Variants in SLC25A16 observed in about 807,000 individuals in gnomAD.
The protein encoded by SLC25A16 is solute carrier family 25 member 16, also known as mitochondrial coenzyme A transporter SLC25A16.
Under a neutral mutation model 41.5 loss-of-function variants are expected in SLC25A16, and 39 were observed. That is an observed-to-expected ratio of 0.94 (90% confidence interval 0.73 to 1.23). The LOEUF is 1.23. Ranked by LOEUF, SLC25A16 falls within the 50% of genes most tolerant of loss-of-function variation. The pLI, the probability that SLC25A16 is intolerant of heterozygous loss-of-function variation, is 0.00. For synonymous variants in SLC25A16, 146 were observed against 147.8 expected (o/e 0.99, Z 0.09); for missense variants, 421 against 426.9 (o/e 0.99, Z 0.12).
intron 2 of SLC25A16, among the ~76,000 whole-genome samples, chr10:68,507,094 GAC>G (rs1246773234): frequency 1.1e-5 from 1 of 87,424 alleles, no homozygotes; most frequent in African/African-American, 4.7e-5. Context: ...TTTTTTTTGA[GAC>G]AGTTTTACTC....
At chr10:68,486,985 AC>A in intron 8 of SLC25A16, 158 bp downstream of exon 8, 4 of 420,012 alleles carry the variant, frequency 9.5e-6, no homozygotes, top group Admixed American at 3.8e-5. Flanking sequence ...AAAAAAAAGA[AC>A]CTGATTGCCT....
intron 1 of SLC25A16, among the ~76,000 whole-genome samples, chr10:68,522,233 G>A (rs1196581536): frequency 6.6e-6 from 1 of 151,932 alleles, no homozygotes; most frequent in Non-Finnish European, 1.5e-5. Context: ...AATCTTAAAT[G>A]CATTAAGGTA....
At chr10:68,517,069 A>G (rs1190049741) in intron 1 of SLC25A16, 1 of 1,218,296 alleles carries the variant, frequency 8.2e-7, no homozygotes, top group Non-Finnish European at 1.0e-6. Flanking sequence ...AGTAGTGTAA[A>G]TCGTCATCTA....
At chr10:68,498,865 G>A (rs2052795076) in intron 4 of SLC25A16, among the ~76,000 whole-genome samples, 1 of 152,090 alleles carries the variant, frequency 6.6e-6, no homozygotes, top group Non-Finnish European at 1.5e-5. Context: ...TGCCATAGTG[G>A]TTGTTAAATA....
rs148285905 is a variant in SLC25A16, at chr10:68,504,017, C to CTT, written c.358-324_358-323dup. ...TGGGGGTAGTAGGAATAAACTGCTA[C>CTT]TTTTTTTTTTTTTTTTTTTTTTTTT... On this transcript the variant is annotated intron_variant, in intron 3 of 8. Transcript: ENST00000609923. Among the ~76,000 whole-genome samples, 464 of 70,890 alleles carry CTT rather than the reference C, an allele frequency of 6.5e-3. 24 individuals are homozygous for CTT. Among genetic ancestry groups the CTT allele is most frequent in the African/African-American group, 0.025 (443 of 17,636 alleles). The allele number at this position is 70,890 out of a possible 152,430, so 46.5% of individuals were successfully genotyped here. A position where few individuals can be genotyped will look rare whatever the true frequency, so the allele number is the denominator to read the frequency against.
intron 6 of SLC25A16, among the ~76,000 whole-genome samples, chr10:68,492,560 G>A (rs941199951): frequency 2.6e-5 from 4 of 152,042 alleles, no homozygotes; most frequent in Non-Finnish European, 5.9e-5. Context: ...CCTGAGGTCG[G>A]GAGTTTGAGA....
rs377544432 is a variant in SLC25A16 at position 68,519,864 on chromosome 10, G to A, written c.131-3021C>T. 1.3e-3 allele frequency among the ~76,000 whole-genome samples: 201 copies of A among 151,414 alleles called. No homozygotes were observed. The Middle Eastern group carries it at 0.014, about 10-fold the overall frequency. On this transcript the variant is annotated intron_variant, in intron 1 of 8. Coordinates refer to ENST00000609923, the MANE Select transcript of SLC25A16 (RefSeq NM_152707.4). Reference sequence around the variant, plus strand: ...CGGGAGGCATAGGTGGCAGTGAGCCGAGATCATGTCACTGCACTCCAGCCT... The same window carrying A: ...CGGGAGGCATAGGTGGCAGTGAGCCAAGATCATGTCACTGCACTCCAGCCT...
chr10:68,491,428 T>C (rs532380913), intron 6 of SLC25A16, among the ~76,000 whole-genome samples: 12 of 152,058 alleles, frequency 7.9e-5, no homozygotes, highest in African/African-American at 2.9e-4. Context: ...TTTCTCCATG[T>C]TGGTCAGGCT....
chr10:68,524,803 G>A (rs542668000), intron 1 of SLC25A16, among the ~76,000 whole-genome samples: 17 of 151,582 alleles, frequency 1.1e-4, no homozygotes, highest in African/African-American at 2.9e-4. Flanking sequence ...ACTTGAACCC[G>A]GATACGGAGG....
chr10:68,502,776 AAAAGAGGGGAGGGGAGGGGTAGGGAGG>A (rs1231416006), intron 4 of SLC25A16, among the ~76,000 whole-genome samples: 1 of 66,010 alleles, frequency 1.5e-5, no homozygotes, highest in African/African-American at 6.2e-5. Flanking sequence ...AGGGGAGAAG[AAAAGAGGGGAGGGGAGGGGTAGGGAGG>A]GAAGCGGAGG....
At chr10:68,500,893 TGCACTCCA>T (rs1364045685) in intron 4 of SLC25A16, among the ~76,000 whole-genome samples, 1 of 151,772 alleles carries the variant, frequency 6.6e-6, no homozygotes, top group East Asian at 2.0e-4. Flanking sequence ...ATTCCATCAC[TGCACTCCA>T]GCCTGGGCGA....
intron 4 of SLC25A16, among the ~76,000 whole-genome samples, chr10:68,498,458 G>T (rs2052788376): frequency 6.6e-6 from 1 of 151,996 alleles, no homozygotes; most frequent in Admixed American, 6.6e-5. Flanking sequence ...GGGAGGTTGA[G>T]ATGGGAGGAT....
intron 1 of SLC25A16, chr10:68,517,210 CA>C (rs2053174815): frequency 1.0e-6 from 1 of 996,438 alleles, no homozygotes. Flanking sequence ...CGGAGACAGA[CA>C]CTTGAAGGTA....
chr10:68,493,691 A>G (rs1262811842), intron 4 of SLC25A16, 121 bp from the exon 5 acceptor site: 6 of 767,518 alleles, frequency 7.8e-6, no homozygotes, highest in Non-Finnish European at 1.3e-5. Flanking sequence ...ATCAAAGGTG[A>G]TATTACTGAC....
chr10:68,501,927 G>A (rs921525199), intron 4 of SLC25A16, among the ~76,000 whole-genome samples: 5 of 152,146 alleles, frequency 3.3e-5, no homozygotes, highest in East Asian at 1.9e-4. Flanking sequence ...GGCCGGGCAC[G>A]GTGGCTCATG....
chr10:68,489,703 C>T (rs765305696), intron 6 of SLC25A16, among the ~76,000 whole-genome samples: 1 of 151,996 alleles, frequency 6.6e-6, no homozygotes, highest in African/African-American at 2.4e-5. Flanking sequence ...GAGTTTGAGA[C>T]CATCCTGGCC....
chr10:68,523,132 C>T (rs1466535830), intron 1 of SLC25A16, among the ~76,000 whole-genome samples: 2 of 152,158 alleles, frequency 1.3e-5, no homozygotes, highest in Non-Finnish European at 2.9e-5. Flanking sequence ...CTCTGTTGCT[C>T]AGGCTTGAGT....
chr10:68,525,674 T>C (rs2133611617), intron 1 of SLC25A16, among the ~76,000 whole-genome samples: 1 of 152,210 alleles, frequency 6.6e-6, no homozygotes, highest in South Asian at 2.1e-4. Flanking sequence ...TGACAACCTG[T>C]GGGGAAAAGC....
intron 2 of SLC25A16, among the ~76,000 whole-genome samples, chr10:68,513,420 A>AG (rs2053103818): frequency 6.9e-6 from 1 of 144,946 alleles, no homozygotes; most frequent in African/African-American, 2.5e-5. Context: ...AAAAAAAAAG[A>AG]GGAAAAAAAA....
Sources: allele counts gnomAD v4.1 joint callset (sites outside exome capture counted in the v4.1 genomes callset), GRCh38; gene constraint gnomAD v4.1.1; transcripts MANE v1.5; gene names NCBI Gene and HGNC (gene_info 2026-07-23, HGNC 2026-07-21).